PCDH15: variants seen among roughly 807,000 people sequenced by gnomAD.
The protein encoded by PCDH15 is protocadherin-15.
A neutral mutation model predicts 178.5 loss-of-function variants in PCDH15; 129 were observed. The ratio of observed to expected loss-of-function variants is 0.72; its 90% CI spans 0.63 to 0.84. The LOEUF (loss-of-function observed/expected upper bound fraction) is 0.84. Ranked by LOEUF, PCDH15 falls within the 40% of genes least tolerant of loss-of-function variation. The pLI is 0.00. For synonymous variants in PCDH15, 800 were observed against 732.0 expected (o/e 1.09, Z -1.50); for missense variants, 2,230 against 2,099.9 (o/e 1.06, Z -1.21).
chr10:54,574,779 A>C (rs2133657387), intron 2 of PCDH15, among the ~76,000 whole-genome samples: 1 of 149,360 alleles, frequency 6.7e-6, no homozygotes, highest in South Asian at 2.2e-4. Flanking sequence ...ATACCATTTG[A>C]CTCAGCCATC....
chr10:55,363,621 T>C (rs1845282650), intron 2 of PCDH15, among the ~76,000 whole-genome samples: 1 of 152,118 alleles, frequency 6.6e-6, no homozygotes, highest in Non-Finnish European at 1.5e-5. Flanking sequence ...CGTTTCGGCT[T>C]TTCTTTTTTC....
At chr10:54,583,262 T>C (rs1179893167) in intron 2 of PCDH15, among the ~76,000 whole-genome samples, 2 of 152,106 alleles carry the variant, frequency 1.3e-5, no homozygotes, top group African/African-American at 4.8e-5. Flanking sequence ...ACAAATTTAA[T>C]CCAATGGCTA....
chr10:54,099,513 A>AAT (rs1554965277), intron 15 of PCDH15, among the ~76,000 whole-genome samples: 48 of 117,880 alleles, frequency 4.1e-4, no homozygotes, highest in Middle Eastern at 0.01. Context: ...AAAAAAAAAA[A>AAT]ATATATATAT....
intron 3 of PCDH15, among the ~76,000 whole-genome samples, chr10:54,520,539 GCA>G (rs2082737268): frequency 6.6e-6 from 1 of 152,114 alleles, no homozygotes. Context: ...AGTTAGAATA[GCA>G]ATCATTAAAA....
At chr10:53,931,177 A>C (rs1265238835) in intron 25 of PCDH15, among the ~76,000 whole-genome samples, 1 of 152,184 alleles carries the variant, frequency 6.6e-6, no homozygotes, top group African/African-American at 2.4e-5. Context: ...ACTGGGAGGA[A>C]GCTCCTAAGC....
intron 18 of PCDH15, among the ~76,000 whole-genome samples, chr10:54,038,872 A>T (rs961900799): frequency 6.6e-6 from 1 of 152,024 alleles, no homozygotes; most frequent in Non-Finnish European, 1.5e-5. Flanking sequence ...TTACAATATC[A>T]TTCATTGTTT....
At chr10:54,345,086 A>G (rs1943024929) in intron 6 of PCDH15, among the ~76,000 whole-genome samples, 1 of 151,442 alleles carries the variant, frequency 6.6e-6, no homozygotes, top group South Asian at 2.1e-4. Context: ...ACTGGATTTT[A>G]CAGTTCAGAA....
chr10:55,459,968 C>G (rs1839636999), intron 2 of PCDH15, among the ~76,000 whole-genome samples: 1 of 151,888 alleles, frequency 6.6e-6, no homozygotes, highest in Non-Finnish European at 1.5e-5. Context: ...TGAATGGTAA[C>G]TGCAATCATA....
intron 17 of PCDH15, among the ~76,000 whole-genome samples, chr10:54,075,776 T>C (rs969163692): frequency 6.6e-6 from 1 of 152,192 alleles, no homozygotes; most frequent in Admixed American, 6.5e-5. Flanking sequence ...AAAGTTTATT[T>C]TTGGATTTTC....
chr10:54,169,477 C>G (rs1327242108), intron 13 of PCDH15, among the ~76,000 whole-genome samples: 1 of 140,940 alleles, frequency 7.1e-6, no homozygotes, highest in African/African-American at 2.6e-5. Flanking sequence ...TTTAAGCACT[C>G]CTTTTTAGTT....
chr10:55,195,635 A>C (rs1029568749), intron 1 of PCDH15, among the ~76,000 whole-genome samples: 6 of 144,740 alleles, frequency 4.1e-5, no homozygotes, highest in African/African-American at 1.6e-4. Context: ...AGCCTGGGTG[A>C]CAGAGGGAAA....
intron 1 of PCDH15, among the ~76,000 whole-genome samples, chr10:55,287,099 T>C (rs1485399318): frequency 6.6e-6 from 1 of 151,964 alleles, no homozygotes. Flanking sequence ...GATTACAATA[T>C]CTTAAATATT....
At chr10:54,016,523 T>C (rs1319814167) in intron 20 of PCDH15, among the ~76,000 whole-genome samples, 4 of 152,124 alleles carry the variant, frequency 2.6e-5, no homozygotes, top group Admixed American at 1.3e-4. Context: ...ATGTGGCACA[T>C]ATATGCCATG....
At position 53,995,878 on chromosome 10, in the gene PCDH15, T is replaced by C. The variant is rs1403818288; in HGVS notation, c.2752-113A>G. On this transcript the variant is annotated intron_variant, in intron 20 of 37. Coordinates refer to ENST00000644397, the MANE Select transcript of PCDH15 (RefSeq NM_001384140.1). The stretch of plus-strand genomic sequence containing the variant: ...ACAACTTATTTACCACTGTCAGCCT[T>C]CCATCCTCTCAATTCCATTACTCTC... 3.2e-6 allele frequency: 3 copies of C among 931,724 alleles called. No homozygotes were observed. The East Asian group carries it at 7.4e-5, about 23-fold the overall frequency. The allele number at this position is 931,724 out of a possible 1,614,324, so 57.7% of individuals were successfully genotyped here. A position where few individuals can be genotyped will look rare whatever the true frequency, so the allele number is the denominator to read the frequency against.
At chr10:53,934,597 C>CAAA (rs201193553) in intron 25 of PCDH15, among the ~76,000 whole-genome samples, 1,937 of 121,340 alleles carry the variant, frequency 0.016, 46 homozygotes, top group African/African-American at 0.051. Flanking sequence ...GACTCTGTCT[C>CAAA]AAAAAAAAAA....
chr10:54,458,222 C>T lies in PCDH15; in HGVS notation c.157+69590G>A, dbSNP rs148758777. 4.6e-3 allele frequency among the ~76,000 whole-genome samples: 699 copies of T among 152,180 alleles called. 1 individual carries two copies. Among genetic ancestry groups the T allele is most frequent in the South Asian group, 8.3e-3 (40 of 4,816 alleles). The stretch of plus-strand genomic sequence containing the variant: ...TTGTTTCTCACCAATCAATGTTGGG[C>T]ATGAAGCCAGGCCCAACAGAAGCCC... On this transcript the variant is annotated intron_variant, in intron 3 of 37. Transcript: ENST00000644397.
At chr10:53,974,435 GAT>G (rs1365578422) in intron 21 of PCDH15, among the ~76,000 whole-genome samples, 4 of 151,854 alleles carry the variant, frequency 2.6e-5, no homozygotes, top group Non-Finnish European at 4.4e-5. Flanking sequence ...ATTTATATAA[GAT>G]ATATTTGTAA....
At chr10:53,835,708 G>C (rs747166750) in intron 29 of PCDH15, among the ~76,000 whole-genome samples, 4 of 152,098 alleles carry the variant, frequency 2.6e-5, no homozygotes, top group Non-Finnish European at 5.9e-5. Flanking sequence ...CTTGAGCTCA[G>C]GAGTTTGACA....
At chr10:55,496,444 A>C (rs1322513339) in intron 2 of PCDH15, among the ~76,000 whole-genome samples, 1 of 151,896 alleles carries the variant, frequency 6.6e-6, no homozygotes, top group African/African-American at 2.4e-5. Context: ...ATTTCCTTGT[A>C]AAACATTTTT....
Sources: allele counts gnomAD v4.1 joint callset (sites outside exome capture counted in the v4.1 genomes callset), GRCh38; gene constraint gnomAD v4.1.1; transcripts MANE v1.5; gene names NCBI Gene and HGNC (gene_info 2026-07-23, HGNC 2026-07-21).